The following MROH2B variants were observed in gnomAD, a reference collection of about 807,000 sequenced individuals.
The protein encoded by MROH2B is maestro heat like repeat family member 2B, also known as maestro heat-like repeat-containing protein family member 2B.
In MROH2B, 177 loss-of-function variants were observed where a neutral mutation model predicts 208.6. The ratio of observed to expected loss-of-function variants is 0.85; its 90% CI spans 0.75 to 0.96. MROH2B has a LOEUF of 0.96. Among genes scored for constraint, MROH2B ranks in the 40% least tolerant of loss-of-function variants. MROH2B has a pLI of 0.00. For synonymous variants in MROH2B, 728 were observed against 659.0 expected (o/e 1.10, Z -1.60); for missense variants, 2,002 against 1,878.7 (o/e 1.07, Z -1.21).
At chr5:41,022,447 C>T (rs1252421148) in intron 24 of MROH2B, among the ~76,000 whole-genome samples, 3 of 152,236 alleles carry the variant, frequency 2.0e-5, no homozygotes, top group African/African-American at 7.2e-5. Context: ...GAGCCTTGCT[C>T]ACTGCTAGCA....
rs377580116 is a variant in MROH2B, at chr5:41,018,725, T to A, written c.2639A>T (p.Asn880Ile). The A allele has an allele frequency of 6.2e-7, 1 of 1,613,848 alleles. No homozygotes were observed. Among genetic ancestry groups the A allele is most frequent in the African/African-American group, 1.3e-5 (1 of 74,934 alleles). The change falls in exon 26 of 42, where the codon AAT (asparagine) becomes ATT (isoleucine). Residue 880 changes from asparagine to isoleucine, a missense_variant. Transcript: ENST00000399564. ...GKLLKTMMWD[N>I]VNAEDCQEMF... Reference sequence around the variant, plus strand: ...TTCTTGACAGTCCTCTGCATTCACATTATCCCACATCATGGTCTTCAGAAG... The same window carrying A: ...TTCTTGACAGTCCTCTGCATTCACAATATCCCACATCATGGTCTTCAGAAG...
chr5:41,038,975 T>A, intron 20 of MROH2B, 87 bp from the exon 21 acceptor site: 1 of 1,211,568 alleles, frequency 8.3e-7, no homozygotes, highest in Non-Finnish European at 1.1e-6. Flanking sequence ...TGTGGACCAC[T>A]ATAGGGGATA....
chr5:41,004,959 C>A (rs778080285), intron 35 of MROH2B, 39 bp from the exon 36 acceptor site: 3 of 1,601,434 alleles, frequency 1.9e-6, no homozygotes, highest in Admixed American at 1.7e-5. Context: ...TAGTTAAGGG[C>A]GTGGCCCCTC....
At chr5:41,055,327 C>G (rs1398985825) in intron 10 of MROH2B, among the ~76,000 whole-genome samples, 1 of 152,132 alleles carries the variant, frequency 6.6e-6, no homozygotes, top group Non-Finnish European at 1.5e-5. Flanking sequence ...TTGTAAGATG[C>G]ATTCAGTGTT....
In MROH2B at chr5:41,017,975, A is replaced by T; in HGVS notation, c.2764-5T>A. The stretch of plus-strand genomic sequence containing the variant: ...AATTTTAAAGTTCTCTGGTGCCTGC[A>T]GGATAAAGGAGGCATCCTATTGTGA... On this transcript the variant is annotated splice_polypyrimidine_tract_variant and splice_region_variant and intron_variant, in intron 27 of 41. Coordinates refer to ENST00000399564, the MANE Select transcript of MROH2B (RefSeq NM_173489.5). 1 of 1,570,120 alleles carries T rather than the reference A, an allele frequency of 6.4e-7. No individual in the cohort carries two copies. Among genetic ancestry groups the T allele is most frequent in the Non-Finnish European group, 8.6e-7 (1 of 1,156,200 alleles).
intron 13 of MROH2B, among the ~76,000 whole-genome samples, 178 bp from the exon 14 acceptor site, chr5:41,049,614 G>A (rs1349117615): frequency 6.6e-6 from 1 of 152,176 alleles, no homozygotes; most frequent in East Asian, 1.9e-4. Context: ...TGATTTTCAG[G>A]TGTTAGCTGT....
intron 5 of MROH2B, among the ~76,000 whole-genome samples, chr5:41,062,030 T>C (rs1360624148): frequency 6.7e-6 from 1 of 149,692 alleles, no homozygotes; most frequent in Non-Finnish European, 1.5e-5. Context: ...TCAAGCACTT[T>C]GCAGAACTCT....
chr5:41,060,647 A>G (rs1686362880), intron 6 of MROH2B, among the ~76,000 whole-genome samples: 1 of 152,174 alleles, frequency 6.6e-6, no homozygotes, highest in Non-Finnish European at 1.5e-5. Context: ...TCACCAGGGC[A>G]GTTAAGTGCT....
At chr5:41,052,235 A>C (rs2150176886) in intron 12 of MROH2B, among the ~76,000 whole-genome samples, 1 of 149,414 alleles carries the variant, frequency 6.7e-6, no homozygotes, top group South Asian at 2.1e-4. Context: ...GAACTGAGAA[A>C]ACTAGAGGCT....
rs1356584331 is a variant in MROH2B, at chr5:41,047,782, T to C, written c.1685-18A>G. 1.9e-6 allele frequency: 3 copies of C among 1,571,602 alleles called. No homozygotes were observed. Among genetic ancestry groups the C allele is most frequent in the Non-Finnish European group, 2.6e-6 (3 of 1,157,076 alleles). On this transcript the variant is annotated intron_variant, in intron 16 of 41. Transcript: ENST00000399564. ...GTTCTTTCCTAGAAACAAAAATTGA[T>C]GTAATAATCGCAAAAAAACAAAACC...
intron 37 of MROH2B, among the ~76,000 whole-genome samples, chr5:41,002,121 A>T (rs1260456141): frequency 6.6e-6 from 1 of 152,218 alleles, no homozygotes; most frequent in Non-Finnish European, 1.5e-5. Flanking sequence ...TAGAAAGAGG[A>T]AGCTAACCAA....
chr5:40,999,328 G>T (rs983734349), intron 40 of MROH2B, among the ~76,000 whole-genome samples: 5 of 152,156 alleles, frequency 3.3e-5, no homozygotes, highest in African/African-American at 1.2e-4. Context: ...TTGAGTATGG[G>T]TTATCTTATG....
At chr5:41,066,568 A>C (rs1234611257) in intron 3 of MROH2B, among the ~76,000 whole-genome samples, 2 of 152,214 alleles carry the variant, frequency 1.3e-5, no homozygotes, top group Non-Finnish European at 2.9e-5. Context: ...CATGAATGAC[A>C]ATCGAATTCT....
At chr5:41,035,808 C>CAA (rs59118984) in intron 21 of MROH2B, among the ~76,000 whole-genome samples, 10 of 148,656 alleles carry the variant, frequency 6.7e-5, no homozygotes, top group African/African-American at 2.2e-4. Context: ...ACAAAGAAAG[C>CAA]AAAAAAACAA....
Position 41,064,574 on chromosome 5 carries a change from G to A in MROH2B, c.362-4C>T. 6.2e-7 allele frequency: 1 copy of A among 1,608,024 alleles called. No individual in the cohort carries two copies. Among genetic ancestry groups the A allele is most frequent in the Non-Finnish European group, 8.5e-7 (1 of 1,175,684 alleles). On this transcript the variant is annotated splice_polypyrimidine_tract_variant and splice_region_variant and intron_variant, in intron 4 of 41. Transcript: ENST00000399564. The stretch of plus-strand genomic sequence containing the variant: ...ATGAAAGGAATACTCTGGGACACTG[G>A]AGGGAGAGGCAGAAAGGAGACAAGT...
chr5:41,009,457 G>A, intron 31 of MROH2B, 51 bp from the exon 32 acceptor site: 1 of 1,590,340 alleles, frequency 6.3e-7, no homozygotes, highest in Non-Finnish European at 8.6e-7. Flanking sequence ...CCCTCGGGCT[G>A]TAAGCTTTTC....
intron 29 of MROH2B, among the ~76,000 whole-genome samples, chr5:41,014,186 A>G (rs961052567): frequency 1.9e-4 from 29 of 152,188 alleles, no homozygotes; most frequent in African/African-American, 6.5e-4. Flanking sequence ...AAATTGCCAT[A>G]ACACCAATAT....
chr5:41,008,889 A>G lies in MROH2B; in HGVS notation c.3421-96T>C, dbSNP rs111966214. ...TTTCAACTTTGTTTTCTCCACCAGTAAAAACACACAGAAAAGGGAGGGTTT... is the reference window on the plus strand; with the variant it reads ...TTTCAACTTTGTTTTCTCCACCAGTGAAAACACACAGAAAAGGGAGGGTTT... On this transcript the variant is annotated intron_variant, in intron 32 of 41. Transcript: ENST00000399564. 808 of 1,230,034 alleles carry G rather than the reference A, an allele frequency of 6.6e-4. 3 individuals carry two copies. The African/African-American group carries it at 0.011, about 16-fold the overall frequency. 76.2% of individuals were successfully genotyped at this position (1,230,034 alleles called of 1,614,324 possible).
chr5:41,010,879 G>A (rs1342601675), intron 30 of MROH2B, among the ~76,000 whole-genome samples: 2 of 152,132 alleles, frequency 1.3e-5, no homozygotes, highest in African/African-American at 4.8e-5. Flanking sequence ...TGTGAGGGGA[G>A]CGGGTAGATG....
Sources: gnomAD v4.1 joint callset for allele counts (sites outside exome capture counted in the v4.1 genomes callset) on GRCh38, gnomAD v4.1.1 for gene constraint, MANE v1.5 for transcripts, NCBI Gene and HGNC (gene_info 2026-07-23, HGNC 2026-07-21) for gene names.